ABI3BP: variants seen among roughly 807,000 people sequenced by gnomAD.
ABI3BP encodes target of Nesh-SH3.
A neutral mutation model predicts 268.6 loss-of-function variants in ABI3BP; 216 were observed. That is an observed-to-expected ratio of 0.80 (90% CI 0.72 to 0.90). The LOEUF (loss-of-function observed/expected upper bound fraction) is 0.90. Ranked by LOEUF, ABI3BP falls within the 40% of genes least tolerant of loss-of-function variation. The pLI, the probability that ABI3BP is intolerant of heterozygous loss-of-function variation, is 0.00. For synonymous variants in ABI3BP, 730 were observed against 730.0 expected (o/e 1.00, Z 0.00); for missense variants, 2,090 against 2,182.4 (o/e 0.96, Z 0.84).
intron 1 of ABI3BP, among the ~76,000 whole-genome samples, chr3:100,934,673 T>A (rs2065226535): frequency 6.6e-6 from 1 of 152,176 alleles, no homozygotes; most frequent in Non-Finnish European, 1.5e-5. Flanking sequence ...ATGATCACCA[T>A]TCTAACTGGC....
chr3:100,796,235 G>A (rs1335028278), intron 52 of ABI3BP, among the ~76,000 whole-genome samples, 174 bp downstream of exon 52: 1 of 151,822 alleles, frequency 6.6e-6, no homozygotes, highest in African/African-American at 2.4e-5. Context: ...ACTTCACCAA[G>A]GAAAAATATT....
chr3:100,810,366 C>G (rs1278575943), intron 49 of ABI3BP, 46 bp downstream of exon 49: 1 of 1,464,742 alleles, frequency 6.8e-7, no homozygotes, highest in Admixed American at 2.0e-5. Context: ...TACTGACATT[C>G]TGCAAACACT....
At chr3:100,917,138 T>C (rs1402018832) in intron 2 of ABI3BP, among the ~76,000 whole-genome samples, 1 of 152,186 alleles carries the variant, frequency 6.6e-6, no homozygotes, top group Non-Finnish European at 1.5e-5. Context: ...AGTCAGCTAT[T>C]ACAGCTGTGA....
At chr3:100,959,157 GA>G (rs1364875082) in intron 1 of ABI3BP, among the ~76,000 whole-genome samples, 1 of 152,152 alleles carries the variant, frequency 6.6e-6, no homozygotes, top group Non-Finnish European at 1.5e-5. Context: ...CAGAGAGTGA[GA>G]AACCCCACTC....
At chr3:100,955,191 A>G (rs1266117259) in intron 1 of ABI3BP, among the ~76,000 whole-genome samples, 1 of 152,144 alleles carries the variant, frequency 6.6e-6, no homozygotes, top group Non-Finnish European at 1.5e-5. Flanking sequence ...CTGTCTGCTC[A>G]GTAAAAGAAC....
chr3:100,792,711 T>C lies in ABI3BP; in HGVS notation c.4004A>G (p.Glu1335Gly), dbSNP rs747119425. Residue 1335 changes from glutamate (E) to glycine (G), a missense_variant, in exon 55 of 68, where the codon GAA becomes GGA. Physicochemically the swap from Glu to Gly is moderately conservative, Grantham distance 98. Coordinates refer to ENST00000471714, the MANE Select transcript of ABI3BP (RefSeq NM_001375547.2). ...PFTTKIPRTT[E>G]LAKTTQAPHR... ...ATTACCCTGAGTTGTCTTTGCTAGT[T>C]CAGTTGTTCGTGGAATCTTAGTTGT... is the stretch of plus-strand genomic sequence containing the variant. 5.6e-6 allele frequency: 9 copies of C among 1,611,514 alleles called. No individual in the cohort carries two copies. The African/African-American group carries it at 1.1e-4, about 19-fold the overall frequency.
chr3:100,777,771 C>T (rs6441552), intron 59 of ABI3BP, among the ~76,000 whole-genome samples: 113,253 of 152,110 alleles, frequency 0.74, 43,363 homozygotes, highest in East Asian at 0.99. Context: ...CCAAAACATA[C>T]TCCTGTACTG....
intron 62 of ABI3BP, among the ~76,000 whole-genome samples, chr3:100,770,047 C>T (rs1430430135): frequency 2.6e-5 from 4 of 152,200 alleles, no homozygotes; most frequent in African/African-American, 9.6e-5. Context: ...TATTCCCTGC[C>T]TGCCTGCACC....
intron 1 of ABI3BP, among the ~76,000 whole-genome samples, chr3:100,946,109 GC>G (rs1456086173): frequency 1.8e-4 from 27 of 152,074 alleles, no homozygotes; most frequent in Non-Finnish European, 3.2e-4. Flanking sequence ...GGTGGCTCAT[GC>G]CTGCAATCCC....
At chr3:100,778,616 G>A (rs1260898401) in intron 58 of ABI3BP, 2 of 469,852 alleles carry the variant, frequency 4.3e-6, no homozygotes, top group African/African-American at 4.0e-5. Context: ...CCTCATTATA[G>A]ATGAATATAC....
chr3:100,781,124 A>C (rs1219790679), intron 57 of ABI3BP, among the ~76,000 whole-genome samples: 1 of 152,212 alleles, frequency 6.6e-6, no homozygotes, highest in African/African-American at 2.4e-5. Flanking sequence ...TAAGAATAGG[A>C]ATGAAATATT....
intron 63 of ABI3BP, among the ~76,000 whole-genome samples, chr3:100,755,389 G>T (rs2095563256): frequency 6.6e-6 from 1 of 152,170 alleles, no homozygotes; most frequent in African/African-American, 2.4e-5. Context: ...CTTCCTAGTT[G>T]TATCGCCTGG....
intron 29 of ABI3BP, among the ~76,000 whole-genome samples, 156 bp from the exon 30 acceptor site, chr3:100,833,313 A>G (rs1704863161): frequency 6.6e-6 from 1 of 152,192 alleles, no homozygotes; most frequent in African/African-American, 2.4e-5. Flanking sequence ...GAGGGTACAT[A>G]TTTATTTGCT....
intron 62 of ABI3BP, among the ~76,000 whole-genome samples, chr3:100,768,799 G>T (rs745554039): frequency 1.3e-5 from 2 of 152,182 alleles, no homozygotes; most frequent in Non-Finnish European, 2.9e-5. Context: ...ATTTAAATCT[G>T]TGTCAGCATG....
intron 59 of ABI3BP, among the ~76,000 whole-genome samples, chr3:100,777,588 G>A (rs955926069): frequency 6.6e-6 from 1 of 152,172 alleles, no homozygotes; most frequent in African/African-American, 2.4e-5. Context: ...CTAACAGAGG[G>A]GTATGTCAAG....
chr3:100,919,232 CT>C (rs2059554009), intron 2 of ABI3BP, among the ~76,000 whole-genome samples: 1 of 152,082 alleles, frequency 6.6e-6, no homozygotes, highest in Non-Finnish European at 1.5e-5. Flanking sequence ...TTTTCAACCC[CT>C]ATTTCTGTTT....
intron 4 of ABI3BP, among the ~76,000 whole-genome samples, chr3:100,889,986 C>G (rs917865892): frequency 6.6e-5 from 10 of 152,024 alleles, no homozygotes; most frequent in Non-Finnish European, 1.2e-4. Flanking sequence ...AAAATTTATT[C>G]CAGCAACATA....
chr3:100,820,115 C>T, intron 40 of ABI3BP, 105 bp downstream of exon 40: 1 of 985,938 alleles, frequency 1.0e-6, no homozygotes, highest in Non-Finnish European at 1.5e-6. Flanking sequence ...TTTGTGCCTT[C>T]ATCCACATGG....
intron 2 of ABI3BP, among the ~76,000 whole-genome samples, chr3:100,921,014 C>T (rs1353207033): frequency 6.6e-6 from 1 of 152,156 alleles, no homozygotes; most frequent in African/African-American, 2.4e-5. Flanking sequence ...AGTGCATTGG[C>T]ACTGCATCCT....
Sources: gnomAD v4.1 joint callset for allele counts (sites outside exome capture counted in the v4.1 genomes callset) on GRCh38, gnomAD v4.1.1 for gene constraint, MANE v1.5 for transcripts, NCBI Gene and HGNC (gene_info 2026-07-23, HGNC 2026-07-21) for gene names.